BRPF1: variants seen among roughly 807,000 people sequenced by gnomAD.
The protein encoded by BRPF1 is peregrin.
In BRPF1, 15 loss-of-function variants were observed where a neutral mutation model predicts 115.0. That is an observed-to-expected ratio of 0.13 (90% CI 0.09 to 0.20). BRPF1 has a LOEUF of 0.20. Ranked by LOEUF, BRPF1 falls within the 10% of genes least tolerant of loss-of-function variation. BRPF1 has a pLI of 1.00. For missense variants in BRPF1, 1,118 were observed against 1,638.3 expected (o/e 0.68, Z 5.48); for synonymous variants, 647 against 619.8 (o/e 1.04, Z -0.65).
chr3:9,739,577 G>T lies in BRPF1; in HGVS notation c.1178G>T (p.Gly393Val), dbSNP rs2076995570. The change falls in exon 3 of 14, where the codon GGC (glycine) becomes GTC (valine). Residue 393 changes from glycine to valine, a missense_variant. Gly to Val is a moderately radical substitution (Grantham distance 109). Transcript: ENST00000383829. ...KLTCYICKQR[G>V]SGACIQCHKA... ...ACCTGCTACATTTGCAAACAACGGG[G>T]CTCAGGGGCCTGCATCCAGTGCCAC... 6.2e-7 allele frequency: 1 copy of T among 1,612,450 alleles called. No homozygotes were observed.
rs1235082731 is a variant in BRPF1 at position 9,734,587 on chromosome 3, C to T, written c.447C>T (p.Gly149=). The T allele has an allele frequency of 1.2e-6, 2 of 1,614,162 alleles. No individual in the cohort carries two copies. The highest frequency in any genetic ancestry group is 8.5e-7 in the Non-Finnish European group (1 of 1,180,042). The change falls in exon 2 of 14, where the codon GGC becomes GGT. Residue 149 remains glycine, a synonymous_variant. Transcript: ENST00000383829. This position sits in a 1 kb window ranked among gnomAD's most constrained non-coding sequence, Gnocchi z 5.7. The stretch of plus-strand genomic sequence containing the variant: ...CACCAGCTGCTACTCCCAAGTCAGG[C>T]AAACATAAGAACAAGGAGAAGCGCA... The part of the protein sequence containing the change: ...TETPAATPKS[G]KHKNKEKRKD...
At position 9,745,627 on chromosome 3, in the gene BRPF1, C is replaced by T; in HGVS notation, c.3123C>T (p.Phe1041=). Residue 1041 remains phenylalanine, a synonymous_variant, in exon 11 of 14, where the codon TTC becomes TTT. Coordinates refer to ENST00000383829, the MANE Select transcript of BRPF1 (RefSeq NM_001003694.2). The surrounding 1 kb of genome is among the most constrained non-coding windows in gnomAD (Gnocchi z 5.1). The part of the protein sequence containing the change: ...RGKPSFSRGT[F]PEDSSEDTSG... The stretch of plus-strand genomic sequence containing the variant: ...AACCCTCCTTCTCTCGGGGCACTTT[C>T]CCAGAGGACAGCAGTGAGGATACCT... The T allele has an allele frequency of 6.2e-7, 1 of 1,614,226 alleles. No homozygotes were observed. The highest frequency in any genetic ancestry group is 1.1e-5 in the South Asian group (1 of 91,086).
chr3:9,747,723 G>A lies in BRPF1; in HGVS notation c.*374G>A, dbSNP rs935853936. 5.4e-6 allele frequency: 1 copy of A among 183,628 alleles called. No homozygotes were observed. The highest frequency in any genetic ancestry group is 1.2e-5 in the Non-Finnish European group (1 of 86,362). The allele number at this position is 183,628 out of a possible 1,614,324, so 11.4% of individuals were successfully genotyped here. ...TGCCTAGAGGCCTGGGGCCCCTACC[G>A]GTCGTGAGGTGAGTGGGCATCTGTC... On this transcript the variant is annotated 3_prime_UTR_variant, in exon 14 of 14. Coordinates refer to ENST00000383829, the MANE Select transcript of BRPF1 (RefSeq NM_001003694.2). This position sits in a 1 kb window ranked among gnomAD's most constrained non-coding sequence, Gnocchi z 5.6.
At position 9,744,451 on chromosome 3, in the gene BRPF1, C is replaced by T. The variant is rs994037643; in HGVS notation, c.2863C>T (p.Arg955Trp). ...TCAGCGCAAGCGGGGTAGGAGCCCCCGGCCCAGTTCGAGCTCAGACAGCGA... is the reference window on the plus strand; with the variant it reads ...TCAGCGCAAGCGGGGTAGGAGCCCCTGGCCCAGTTCGAGCTCAGACAGCGA... ...LRQRKRGRSPRPSSSSDSDSD... is the reference protein window; with the variant it reads ...LRQRKRGRSPWPSSSSDSDSD... Residue 955 changes from arginine (R) to tryptophan (W), a missense_variant, in exon 9 of 14, where the codon CGG becomes TGG. Around this residue, in one of 10 missense-constraint regions of BRPF1, gnomAD observed 92 missense variants for 102.2 expected, o/e 0.90. Coordinates refer to ENST00000383829, the MANE Select transcript of BRPF1 (RefSeq NM_001003694.2). The T allele has an allele frequency of 5.0e-6, 8 of 1,590,866 alleles. No homozygotes were observed. The highest frequency in any genetic ancestry group is 6.0e-6 in the Non-Finnish European group (7 of 1,169,500).
At chr3:9,738,166 A>G (rs1014269753) in intron 2 of BRPF1, among the ~76,000 whole-genome samples, 1 of 151,912 alleles carries the variant, frequency 6.6e-6, no homozygotes, top group Non-Finnish European at 1.5e-5. Flanking sequence ...GCCTGTTGGC[A>G]TAGTAAGTGA....
Position 9,744,355 on chromosome 3 carries a change from A to T in BRPF1, c.2767A>T (p.Ser923Cys). The T allele has an allele frequency of 6.2e-7, 1 of 1,613,496 alleles. No individual in the cohort carries two copies. Among genetic ancestry groups the T allele is most frequent in the Non-Finnish European group, 8.5e-7 (1 of 1,179,758 alleles). The change falls in exon 9 of 14, where the codon AGC (serine) becomes TGC (cysteine). Residue 923 changes from serine to cysteine, a missense_variant. Around this residue, in one of 10 missense-constraint regions of BRPF1, gnomAD observed 92 missense variants for 102.2 expected, o/e 0.90. Transcript: ENST00000383829. The stretch of plus-strand genomic sequence containing the variant: ...GGGCCGGCCCCCCAAAAACCGGGAG[A>T]GCCAGATGACCCCCAGCCACGGAGG... ...RPGRPPKNRE[S>C]QMTPSHGGSP...
chr3:9,743,904 C>A lies in BRPF1; in HGVS notation c.2635+3C>A. 1 of 1,558,308 alleles carries A rather than the reference C, an allele frequency of 6.4e-7. No homozygotes were observed. The highest frequency in any genetic ancestry group is 1.2e-5 in the South Asian group (1 of 82,866). On this transcript the variant is annotated splice_donor_region_variant and intron_variant, in intron 8 of 13. Transcript: ENST00000383829. This position sits in a 1 kb window ranked among gnomAD's most constrained non-coding sequence, Gnocchi z 6.1. ...CAGCAGCCAGGAGACAAGCAAAGGTCTGAATCCCATGGCAAGGTGGACCCC... is the reference window on the plus strand; with the variant it reads ...CAGCAGCCAGGAGACAAGCAAAGGTATGAATCCCATGGCAAGGTGGACCCC...
At position 9,733,789 on chromosome 3, in the gene BRPF1, T is replaced by C. The variant is rs527946920; in HGVS notation, c.-10-342T>C. On this transcript the variant is annotated intron_variant, in intron 1 of 13. Coordinates refer to ENST00000383829, the MANE Select transcript of BRPF1 (RefSeq NM_001003694.2). ...GAAAGGAGCTCTTTGAATGGCATCA[T>C]AGAGAATTTGGAATATTATCTTGAA... Among the ~76,000 whole-genome samples, 4 of 152,368 alleles carry C rather than the reference T, an allele frequency of 2.6e-5. No homozygotes were observed. The East Asian group carries it at 7.7e-4, about 29-fold the overall frequency.
At chr3:9,741,901 G>T (rs1559662765) in intron 5 of BRPF1, 124 bp from the exon 6 acceptor site, 2 of 1,099,498 alleles carry the variant, frequency 1.8e-6, no homozygotes. Flanking sequence ...AGACCTGTAT[G>T]AGTACACCCA....
At position 9,745,474 on chromosome 3, in the gene BRPF1, A is replaced by G. The variant is rs982569196; in HGVS notation, c.3069-99A>G. 8 of 1,378,968 alleles carry G rather than the reference A, an allele frequency of 5.8e-6. No homozygotes were observed. In the South Asian group the frequency reaches 6.3e-5, roughly 11 times the overall value. 85.4% of individuals were successfully genotyped at this position (1,378,968 alleles called of 1,614,324 possible). ...CCTCATATAGCCTCTGCTTTCCAAA[A>G]GTCTCAGACCCTGCGGGCTTTAAGA... On this transcript the variant is annotated intron_variant, in intron 10 of 13. Coordinates refer to ENST00000383829, the MANE Select transcript of BRPF1 (RefSeq NM_001003694.2). The surrounding 1 kb of genome is among the most constrained non-coding windows in gnomAD (Gnocchi z 5.1).
chr3:9,737,975 T>C lies in BRPF1; in HGVS notation c.600-1024T>C, dbSNP rs180927935. Among the ~76,000 whole-genome samples the C allele has an allele frequency of 9.3e-4, 141 of 152,340 alleles. 3 individuals carry two copies. The highest frequency in any genetic ancestry group is 8.8e-3 in the Admixed American group (135 of 15,300). On this transcript the variant is annotated intron_variant, in intron 2 of 13. Coordinates refer to ENST00000383829, the MANE Select transcript of BRPF1 (RefSeq NM_001003694.2). ...AAACTGAGGTTTAGTACAGCAGTGA[T>C]GTCCTAAAAGTCATAAAATGGCAGA...
intron 2 of BRPF1, among the ~76,000 whole-genome samples, chr3:9,735,466 G>T (rs1385288776): frequency 6.6e-6 from 1 of 152,152 alleles, no homozygotes; most frequent in African/African-American, 2.4e-5. Flanking sequence ...CTTGGGAAAT[G>T]CATCCAAATT....
chr3:9,733,731 T>A (rs1308450048), intron 1 of BRPF1, among the ~76,000 whole-genome samples: 2 of 152,158 alleles, frequency 1.3e-5, no homozygotes, highest in Non-Finnish European at 2.9e-5. Context: ...AGCTGTAACT[T>A]GTAAAAAGAA....
intron 6 of BRPF1, chr3:9,742,625 T>C: frequency 1.1e-6 from 1 of 894,350 alleles, no homozygotes; most frequent in Non-Finnish European, 1.3e-6. Flanking sequence ...AGGTGGTGTT[T>C]ATTTTCAGAG....
At chr3:9,741,249 C>T in intron 4 of BRPF1, 59 bp from the exon 5 acceptor site, 1 of 1,516,342 alleles carries the variant, frequency 6.6e-7, no homozygotes, top group Non-Finnish European at 8.8e-7. Context: ...CTCTCTTCTC[C>T]CTGTTGACCT....
Position 9,739,794 on chromosome 3 carries a change from G to A in BRPF1, c.1395G>A (p.Glu465=). 1.2e-6 allele frequency: 2 copies of A among 1,613,052 alleles called. No individual in the cohort carries two copies. The highest frequency in any genetic ancestry group is 1.7e-6 in the Non-Finnish European group (2 of 1,179,528). Residue 465 remains glutamate (E), a synonymous_variant, in exon 3 of 14, where the codon GAG becomes GAA. Coordinates refer to ENST00000383829, the MANE Select transcript of BRPF1 (RefSeq NM_001003694.2). ...RLPALSHSEG[E]EDEDEEEDEG... ...CTGCCCTGTCCCACAGCGAGGGTGA[G>A]GAGGATGAAGATGAGGAGGAGGATG...
In BRPF1 at chr3:9,746,415, A is replaced by G. The variant is rs772986679; in HGVS notation, c.3440A>G (p.His1147Arg). The part of the protein sequence containing the change: ...GEQMTQEARE[H>R]LYLVLFFDNK... ...CAGATGACCCAGGAAGCCCGAGAGC[A>G]TCTCTACCTCGTCCTCTTCTTTGAC... The change falls in exon 13 of 14, where the codon CAT becomes CGT. Residue 1147 changes from histidine (H) to arginine (R), a missense_variant. Physicochemically the swap from His to Arg is conservative, Grantham distance 29. Transcript: ENST00000383829. The G allele has an allele frequency of 5.0e-6, 8 of 1,606,130 alleles. No homozygotes were observed. The highest frequency in any genetic ancestry group is 4.5e-5 in the East Asian group (2 of 44,472).
intron 6 of BRPF1, chr3:9,742,418 A>T: frequency 1.0e-6 from 1 of 985,404 alleles, no homozygotes; most frequent in East Asian, 1.1e-4. Context: ...CAAATGAATA[A>T]TCCCAGGGCA....
rs748636951 is a variant in BRPF1, at chr3:9,743,202, C to T, written c.2260C>T (p.His754Tyr). ...KMGIDFETGM[H>Y]IPHSLAGDEA... ...GGGCATTGACTTTGAGACGGGCATG[C>T]ATATCCCCCACAGCCTGGCTGGAGA... Residue 754 changes from histidine to tyrosine, a missense_variant, in exon 7 of 14, where the codon CAT (histidine) becomes TAT (tyrosine). This residue lies in a region of BRPF1 where 223 missense variants were observed against 240.7 expected (regional missense o/e 0.93). Transcript: ENST00000383829. The surrounding 1 kb of genome is among the most constrained non-coding windows in gnomAD (Gnocchi z 6.1). 1 of 1,614,224 alleles carries T rather than the reference C, an allele frequency of 6.2e-7. No homozygotes were observed. The highest frequency in any genetic ancestry group is 8.5e-7 in the Non-Finnish European group (1 of 1,180,040).
Sources: gnomAD v4.1 joint callset for allele counts (sites outside exome capture counted in the v4.1 genomes callset) on GRCh38, gnomAD v4.1.1 for gene constraint, gnomAD v4.1.1 regional missense constraint, Gnocchi (gnomAD v3.1) non-coding constraint, MANE v1.5 for transcripts, NCBI Gene and HGNC (gene_info 2026-07-23, HGNC 2026-07-21) for gene names.